The following AGBL3 variants were observed in gnomAD, a reference collection of about 807,000 sequenced individuals.
The protein encoded by AGBL3 is AGBL carboxypeptidase 3, also known as cytosolic carboxypeptidase 3.
Under a neutral mutation model 94.5 loss-of-function variants are expected in AGBL3, and 68 were observed. The ratio of observed to expected loss-of-function variants is 0.72; its 90% CI spans 0.59 to 0.88. The LOEUF is 0.88. AGBL3 is among the 40% of genes least tolerant of loss of function. AGBL3 has a pLI of 0.00. For missense variants in AGBL3, 934 were observed against 1,103.8 expected, an observed-to-expected ratio of 0.85 and a Z score of 2.18; for synonymous variants, 354 against 370.7, an observed-to-expected ratio of 0.95 and a Z score of 0.52.
intron 9 of AGBL3, among the ~76,000 whole-genome samples, chr7:135,044,683 A>G (rs1259042532): frequency 2.6e-5 from 4 of 152,006 alleles, no homozygotes; most frequent in African/African-American, 9.7e-5. Flanking sequence ...AGAAATCCAT[A>G]TATGTACTTT....
In AGBL3 at chr7:134,986,977, G is replaced by A. The variant is rs887294500; in HGVS notation, c.-60+276G>A. Reference sequence around the variant, plus strand: ...GTTTCCTGAGACCAGAGCTGTATCCGCAGCAGGTCAGCACTTCGTGCGCCC... The same window carrying A: ...GTTTCCTGAGACCAGAGCTGTATCCACAGCAGGTCAGCACTTCGTGCGCCC... On this transcript the variant is annotated intron_variant, in intron 1 of 16. Coordinates refer to ENST00000436302, the MANE Select transcript of AGBL3 (RefSeq NM_178563.4). Among the ~76,000 whole-genome samples, 57 of 152,382 alleles carry A rather than the reference G, an allele frequency of 3.7e-4. 1 individual carries two copies. Among genetic ancestry groups the A allele is most frequent in the Middle Eastern group, 6.8e-3 (2 of 294 alleles).
intron 15 of AGBL3, among the ~76,000 whole-genome samples, chr7:135,105,464 T>A (rs1824548491): frequency 6.6e-6 from 1 of 152,240 alleles, no homozygotes; most frequent in Admixed American, 6.5e-5. Context: ...TAGCCAGTTA[T>A]CCCAGCACCT....
chr7:135,028,648 C>T (rs1270734044), intron 5 of AGBL3, among the ~76,000 whole-genome samples: 3 of 152,140 alleles, frequency 2.0e-5, no homozygotes, highest in African/African-American at 4.8e-5. Flanking sequence ...ATCAACTTCT[C>T]CTAAACTTCT....
At chr7:135,074,400 A>C (rs1191177231) in intron 12 of AGBL3, among the ~76,000 whole-genome samples, 1 of 152,206 alleles carries the variant, frequency 6.6e-6, no homozygotes, top group Non-Finnish European at 1.5e-5. Flanking sequence ...GGTAGGATTA[A>C]ATTCTCTAAC....
At chr7:135,070,172 CAAG>C (rs1358233657) in intron 12 of AGBL3, among the ~76,000 whole-genome samples, 1 of 152,034 alleles carries the variant, frequency 6.6e-6, no homozygotes, top group Admixed American at 6.5e-5. Flanking sequence ...AAGACTAAAC[CAAG>C]AAGAAGTTGA....
At chr7:135,068,252 C>A (rs1308639352) in intron 12 of AGBL3, among the ~76,000 whole-genome samples, 1 of 152,160 alleles carries the variant, frequency 6.6e-6, no homozygotes. Flanking sequence ...ACCAAATCTA[C>A]GTCTGCTTGG....
intron 5 of AGBL3, among the ~76,000 whole-genome samples, chr7:135,028,864 G>A (rs963651680): frequency 6.6e-6 from 1 of 152,120 alleles, no homozygotes; most frequent in Non-Finnish European, 1.5e-5. Context: ...TGATCCATGG[G>A]CTGCAGAATG....
chr7:135,045,806 G>A lies in AGBL3; in HGVS notation c.1736G>A (p.Arg579Gln), dbSNP rs377484969. The change falls in exon 11 of 17, where the codon CGG becomes CAG. Residue 579 changes from arginine (R) to glutamine (Q), a missense_variant. Physicochemically the swap from Arg to Gln is conservative, Grantham distance 43 (BLOSUM62 1). Around this residue, in one of 3 missense-constraint regions of AGBL3, gnomAD observed 441 missense variants for 518.2 expected, o/e 0.85. Coordinates refer to ENST00000436302, the MANE Select transcript of AGBL3 (RefSeq NM_178563.4). ...YCDPDRTKYY[R>Q]CLKELEEMER... ...TTTATTACTTTTGCCTAGTATTATC[G>A]GTGCCTGAAAGAATTAGAAGAAATG... 3.6e-5 allele frequency: 56 copies of A among 1,546,724 alleles called. No individual in the cohort carries two copies. In the African/African-American group the frequency reaches 5.5e-4, roughly 15 times the overall value.
At chr7:135,044,254 T>A (rs1817141111) in intron 9 of AGBL3, 103 bp downstream of exon 9, 3 of 1,084,158 alleles carry the variant, frequency 2.8e-6, no homozygotes, top group Non-Finnish European at 3.6e-6. Flanking sequence ...TCTTCCTATT[T>A]AAATAATACT....
chr7:135,101,148 C>G (rs1307600074), intron 15 of AGBL3: 2 of 455,452 alleles, frequency 4.4e-6, no homozygotes, highest in African/African-American at 4.0e-5. Flanking sequence ...AGTGAGAGGC[C>G]AATCTAGGAA....
chr7:134,996,509 G>C (rs1351613749), intron 4 of AGBL3, among the ~76,000 whole-genome samples: 1 of 150,468 alleles, frequency 6.6e-6, no homozygotes, highest in Non-Finnish European at 1.5e-5. Context: ...GGTAAAAATA[G>C]AGCTTTTCCA....
chr7:135,054,161 T>A (rs901722070), intron 11 of AGBL3, among the ~76,000 whole-genome samples: 2 of 152,226 alleles, frequency 1.3e-5, no homozygotes, highest in African/African-American at 4.8e-5. Flanking sequence ...GTTTAAGGCC[T>A]ACAATGAATT....
At chr7:135,092,461 C>T (rs1254551052) in intron 15 of AGBL3, 1 of 152,030 alleles carries the variant, frequency 6.6e-6, no homozygotes, top group Non-Finnish European at 1.5e-5. Flanking sequence ...ATAATCTTTC[C>T]ATTGTTGTTC....
chr7:134,993,753 T>A, intron 4 of AGBL3, 75 bp downstream of exon 4: 2 of 1,237,766 alleles, frequency 1.6e-6, no homozygotes, highest in Non-Finnish European at 2.1e-6. Context: ...ATGAGGAGAC[T>A]CACAATGTTA....
chr7:135,128,569 G>A (rs1487561300), intron 16 of AGBL3: 2 of 769,880 alleles, frequency 2.6e-6, no homozygotes, highest in East Asian at 2.4e-5. Context: ...ATTTGCCATA[G>A]AATTTCAAGA....
intron 4 of AGBL3, among the ~76,000 whole-genome samples, chr7:135,005,426 T>G (rs1432331799): frequency 6.6e-6 from 1 of 151,704 alleles, no homozygotes; most frequent in East Asian, 1.9e-4. Context: ...CTTGCATTCT[T>G]AAAACTACAC....
intron 15 of AGBL3, among the ~76,000 whole-genome samples, chr7:135,089,605 G>T (rs1563252435): frequency 1.3e-5 from 2 of 152,204 alleles, no homozygotes; most frequent in African/African-American, 2.4e-5. Flanking sequence ...TCTCCATGAA[G>T]TTTTGTCTGT....
At chr7:135,134,009 T>C (rs1829144716) in intron 16 of AGBL3, among the ~76,000 whole-genome samples, 1 of 151,886 alleles carries the variant, frequency 6.6e-6, no homozygotes, top group South Asian at 2.1e-4. Context: ...TTATGCAACA[T>C]TCTTAAAATA....
At chr7:135,051,203 C>T (rs1423189879) in intron 11 of AGBL3, 1 of 217,838 alleles carries the variant, frequency 4.6e-6, no homozygotes, top group Non-Finnish European at 9.2e-6. Flanking sequence ...TGATTCTTCC[C>T]TTATATTTAC....
Sources: allele counts gnomAD v4.1 joint callset (sites outside exome capture counted in the v4.1 genomes callset), GRCh38; gene constraint gnomAD v4.1.1; regional missense constraint gnomAD v4.1.1; transcripts MANE v1.5; gene names NCBI Gene and HGNC (gene_info 2026-07-23, HGNC 2026-07-21).